The following DTNA variants were observed in gnomAD, a reference collection of about 807,000 sequenced individuals.
DTNA encodes dystrobrevin alpha, also known as dystrophin-related protein 3.
Under a neutral mutation model 100.7 loss-of-function variants are expected in DTNA, and 43 were observed. The ratio of observed to expected loss-of-function variants is 0.43; its 90% CI spans 0.33 to 0.55. The LOEUF (loss-of-function observed/expected upper bound fraction) is 0.55, where lower values mean the gene tolerates loss of function less well. Ranked by LOEUF, DTNA falls within the 20% of genes least tolerant of loss-of-function variation. The probability of loss-of-function intolerance (pLI) is 0.04; values close to 1 mark genes in which losing one functional copy is unlikely to be tolerated. For synonymous variants in DTNA, 349 were observed against 347.9 expected, an observed-to-expected ratio of 1.00 and a Z score of -0.04; for missense variants, 798 against 953.9, an observed-to-expected ratio of 0.84 and a Z score of 2.15.
intron 1 of DTNA, among the ~76,000 whole-genome samples, chr18:34,588,165 T>C (rs2049330777): frequency 6.6e-6 from 1 of 152,196 alleles, no homozygotes; most frequent in African/African-American, 2.4e-5. Context: ...AGACTTAAGA[T>C]TCATGACTAT....
At chr18:34,690,630 A>G (rs1367145611) in intron 1 of DTNA, among the ~76,000 whole-genome samples, 3 of 152,234 alleles carry the variant, frequency 2.0e-5, no homozygotes, top group Non-Finnish European at 4.4e-5. Flanking sequence ...CAAGTAATTC[A>G]GATAGGTGAT....
At chr18:34,550,756 C>T (rs2045321897) in intron 1 of DTNA, among the ~76,000 whole-genome samples, 1 of 152,070 alleles carries the variant, frequency 6.6e-6, no homozygotes, top group African/African-American at 2.4e-5. Flanking sequence ...TTTTCTATTA[C>T]TTCTAAGAGA....
At chr18:34,779,167 A>G (rs1052147090) in intron 3 of DTNA, among the ~76,000 whole-genome samples, 5 of 152,216 alleles carry the variant, frequency 3.3e-5, no homozygotes, top group Admixed American at 1.3e-4. Flanking sequence ...CAACACAACA[A>G]TTTCAGATAG....
chr18:34,855,050 A>G (rs966232546), intron 15 of DTNA, among the ~76,000 whole-genome samples: 1 of 152,030 alleles, frequency 6.6e-6, no homozygotes, highest in African/African-American at 2.4e-5. Flanking sequence ...GGCAAACTTC[A>G]TGGGGAAGGT....
chr18:34,818,623 T>C (rs2095644503), intron 8 of DTNA: 1 of 1,208,890 alleles, frequency 8.3e-7, no homozygotes, highest in Non-Finnish European at 1.0e-6. Flanking sequence ...GCAAGGACCT[T>C]CTGGAACATA....
intron 4 of DTNA, among the ~76,000 whole-genome samples, chr18:34,804,252 A>G (rs1324437319): frequency 9.9e-5 from 15 of 152,140 alleles, no homozygotes; most frequent in Admixed American, 9.8e-4. Context: ...TGTGCAGTAC[A>G]ACAACAGAAA....
At chr18:34,514,926 G>A (rs2041449729) in intron 1 of DTNA, among the ~76,000 whole-genome samples, 1 of 152,064 alleles carries the variant, frequency 6.6e-6, no homozygotes, top group South Asian at 2.1e-4. Context: ...TCAGACCATA[G>A]CAAGATGTGT....
chr18:34,601,351 A>T (rs1302034319), intron 1 of DTNA, among the ~76,000 whole-genome samples: 2 of 152,214 alleles, frequency 1.3e-5, no homozygotes, highest in Non-Finnish European at 2.9e-5. Context: ...GGGTGTTGCC[A>T]TAGCAATGGG....
intron 1 of DTNA, among the ~76,000 whole-genome samples, chr18:34,630,385 G>C (rs2057920789): frequency 6.6e-6 from 1 of 152,090 alleles, no homozygotes; most frequent in Non-Finnish European, 1.5e-5. Context: ...CTAAGCCTTA[G>C]CTGCTAATCA....
chr18:34,880,046 G>A (rs2096857299), intron 20 of DTNA, among the ~76,000 whole-genome samples: 1 of 152,126 alleles, frequency 6.6e-6, no homozygotes, highest in South Asian at 2.1e-4. Context: ...ACTAGTTCAG[G>A]AGATAAATCA....
intron 1 of DTNA, among the ~76,000 whole-genome samples, chr18:34,536,049 C>A (rs1215854798): frequency 6.6e-6 from 1 of 151,956 alleles, no homozygotes; most frequent in Non-Finnish European, 1.5e-5. Flanking sequence ...ACATAATTTT[C>A]TGACATAAAA....
intron 1 of DTNA, among the ~76,000 whole-genome samples, chr18:34,601,569 C>T (rs1427515461): frequency 6.6e-6 from 1 of 152,168 alleles, no homozygotes; most frequent in Non-Finnish European, 1.5e-5. Context: ...GGATAATAGG[C>T]AGCCTAAAAC....
chr18:34,632,179 C>T (rs1417662558), intron 1 of DTNA, among the ~76,000 whole-genome samples: 2 of 152,156 alleles, frequency 1.3e-5, no homozygotes, highest in South Asian at 4.2e-4. Context: ...AATCCCTTGG[C>T]ACCAGAAGCA....
chr18:34,634,031 C>G (rs577039229), intron 1 of DTNA, among the ~76,000 whole-genome samples: 6 of 152,208 alleles, frequency 3.9e-5, no homozygotes, highest in South Asian at 4.1e-4. Context: ...TCCTCAAGCC[C>G]CCAGCCCAAA....
intron 1 of DTNA, among the ~76,000 whole-genome samples, chr18:34,563,301 C>G (rs2046802804): frequency 6.6e-6 from 1 of 152,220 alleles, no homozygotes; most frequent in Admixed American, 6.5e-5. Flanking sequence ...CAAGGAATGT[C>G]AAGGATTGCT....
chr18:34,535,633 G>A (rs1286844404), intron 1 of DTNA, among the ~76,000 whole-genome samples: 5 of 151,986 alleles, frequency 3.3e-5, no homozygotes, highest in Admixed American at 6.6e-5. Flanking sequence ...TAGGATTTAT[G>A]TTTAAGTCTT....
intron 1 of DTNA, among the ~76,000 whole-genome samples, chr18:34,714,196 C>CA (rs2083466027): frequency 6.6e-6 from 1 of 151,842 alleles, no homozygotes; most frequent in African/African-American, 2.4e-5. Flanking sequence ...TCTAAAACAC[C>CA]AAAAGCAATG....
At chr18:34,698,276 G>A (rs1027735144) in intron 1 of DTNA, among the ~76,000 whole-genome samples, 3 of 152,194 alleles carry the variant, frequency 2.0e-5, no homozygotes, top group African/African-American at 4.8e-5. Context: ...TTACCACAAA[G>A]CTTAGTGGCT....
chr18:34,715,485 T>G (rs1004372619), intron 1 of DTNA, among the ~76,000 whole-genome samples: 1 of 149,432 alleles, frequency 6.7e-6, no homozygotes, highest in African/African-American at 2.5e-5. Flanking sequence ...ATTTTTTAAT[T>G]ATTTATTTTA....
Sources: allele counts gnomAD v4.1 joint callset (sites outside exome capture counted in the v4.1 genomes callset), GRCh38; gene constraint gnomAD v4.1.1; transcripts MANE v1.5; gene names NCBI Gene and HGNC (gene_info 2026-07-23, HGNC 2026-07-21).